Variants in NOL4 observed in about 807,000 individuals in gnomAD.
NOL4 encodes cancer/testis antigen 125.
In NOL4, 17 loss-of-function variants were observed where a neutral mutation model predicts 75.9. The ratio of observed to expected loss-of-function variants is 0.22; its 90% confidence interval spans 0.15 to 0.34. NOL4 has a LOEUF of 0.34. Ranked by LOEUF, NOL4 falls within the 10% of genes least tolerant of loss-of-function variation. The pLI is 1.00. For missense variants in NOL4, 614 were observed against 793.5 expected (o/e 0.77, Z 2.72); for synonymous variants, 292 against 289.9 (o/e 1.01, Z -0.07).
intron 1 of NOL4, among the ~76,000 whole-genome samples, chr18:34,203,717 TCACACACACACACACA>T (rs60755450): frequency 1.4e-5 from 1 of 72,264 alleles, no homozygotes; most frequent in Non-Finnish European, 2.7e-5. Flanking sequence ...TCTCTCTCTC[TCACACACACACACACA>T]CACACACACA....
At chr18:33,949,005 G>C (rs1383623585) in intron 8 of NOL4, among the ~76,000 whole-genome samples, 1 of 152,030 alleles carries the variant, frequency 6.6e-6, no homozygotes, top group Non-Finnish European at 1.5e-5. Flanking sequence ...GAAAAAAACT[G>C]ATAAATGAAT....
At chr18:34,151,567 A>G (rs1042542180) in intron 1 of NOL4, among the ~76,000 whole-genome samples, 1 of 151,840 alleles carries the variant, frequency 6.6e-6, no homozygotes, top group Non-Finnish European at 1.5e-5. Context: ...GGGGATTAAT[A>G]GACAAAGCAC....
chr18:34,202,449 A>T (rs942165567), intron 1 of NOL4, among the ~76,000 whole-genome samples: 4 of 151,954 alleles, frequency 2.6e-5, no homozygotes, highest in Non-Finnish European at 5.9e-5. Context: ...TAATATTGAA[A>T]ATATTCATTT....
intron 1 of NOL4, among the ~76,000 whole-genome samples, chr18:34,141,130 A>T (rs543142983): frequency 4.6e-4 from 70 of 151,714 alleles, no homozygotes; most frequent in African/African-American, 1.5e-3. Context: ...TTACAAGGGA[A>T]GTGAAGGACC....
chr18:34,013,275 T>C (rs1456037994), intron 6 of NOL4, among the ~76,000 whole-genome samples: 1 of 151,912 alleles, frequency 6.6e-6, no homozygotes, highest in Non-Finnish European at 1.5e-5. Context: ...TAATTTTCTA[T>C]ATATTTCTTA....
rs570962537 is a variant in NOL4 at position 33,857,607 on chromosome 18, T to G, written c.1724-4572A>C. On this transcript the variant is annotated intron_variant, in intron 10 of 10. Transcript: ENST00000261592. The stretch of plus-strand genomic sequence containing the variant: ...CCCTGATCTGGAAAAAAAATTGTAA[T>G]AAAACTTTACCAGGAAGCCATCCAA... Among the ~76,000 whole-genome samples the G allele has an allele frequency of 5.3e-5, 8 of 152,074 alleles. No homozygotes were observed. The South Asian group carries it at 1.7e-3, about 32-fold the overall frequency.
intron 5 of NOL4, among the ~76,000 whole-genome samples, chr18:34,089,276 A>C (rs938720271): frequency 2.6e-5 from 4 of 152,144 alleles, no homozygotes; most frequent in Non-Finnish European, 5.9e-5. Flanking sequence ...TGTTAAAAAA[A>C]AATTTTAATT....
intron 6 of NOL4, among the ~76,000 whole-genome samples, chr18:34,012,828 T>C (rs769190611): frequency 1.3e-5 from 2 of 151,984 alleles, no homozygotes; most frequent in Non-Finnish European, 2.9e-5. Flanking sequence ...CAAGAAGCTA[T>C]CCACTGATTG....
chr18:33,928,815 A>G (rs1471542957), intron 9 of NOL4, among the ~76,000 whole-genome samples: 2 of 151,980 alleles, frequency 1.3e-5, no homozygotes, highest in Non-Finnish European at 2.9e-5. Context: ...AGCTAAAATT[A>G]TAGTTCGTTA....
At chr18:33,995,088 A>G (rs1207048742) in intron 6 of NOL4, among the ~76,000 whole-genome samples, 1 of 151,686 alleles carries the variant, frequency 6.6e-6, no homozygotes, top group African/African-American at 2.4e-5. Flanking sequence ...CAATCATGGT[A>G]GACATATAAG....
intron 4 of NOL4, among the ~76,000 whole-genome samples, chr18:34,097,566 T>C (rs2078846098): frequency 6.6e-6 from 1 of 152,236 alleles, no homozygotes; most frequent in Non-Finnish European, 1.5e-5. Flanking sequence ...AGGTAAATAC[T>C]AGTCGTATGT....
intron 8 of NOL4, among the ~76,000 whole-genome samples, chr18:33,955,080 G>A (rs1301215127): frequency 5.9e-5 from 9 of 152,070 alleles, no homozygotes; most frequent in Admixed American, 5.2e-4. Context: ...CATCAATTAA[G>A]TTAATTGGTG....
At chr18:34,061,274 A>G (rs1381844580) in intron 5 of NOL4, among the ~76,000 whole-genome samples, 3 of 152,180 alleles carry the variant, frequency 2.0e-5, no homozygotes, top group African/African-American at 7.2e-5. Context: ...TGTTGAAGGA[A>G]TACATTATTC....
intron 9 of NOL4, among the ~76,000 whole-genome samples, chr18:33,906,311 C>A (rs1228557633): frequency 2.0e-5 from 3 of 152,144 alleles, no homozygotes; most frequent in South Asian, 4.1e-4. Flanking sequence ...TGGACTCCAA[C>A]CCTTTCTTTT....
chr18:34,011,569 A>C (rs1461710066), intron 6 of NOL4, among the ~76,000 whole-genome samples: 1 of 151,772 alleles, frequency 6.6e-6, no homozygotes, highest in African/African-American at 2.4e-5. Flanking sequence ...GATATTTTTA[A>C]GCATTTGACC....
At chr18:34,145,576 C>A (rs900810997) in intron 1 of NOL4, among the ~76,000 whole-genome samples, 3 of 151,710 alleles carry the variant, frequency 2.0e-5, no homozygotes, top group Non-Finnish European at 4.4e-5. Flanking sequence ...ATGTTTATAA[C>A]TCTAAGAATT....
chr18:34,178,686 G>C (rs561550309), intron 1 of NOL4, among the ~76,000 whole-genome samples: 73 of 151,628 alleles, frequency 4.8e-4, no homozygotes, highest in Non-Finnish European at 7.5e-4. Context: ...CTTAACAACA[G>C]AGCCACAAGA....
At chr18:34,101,805 G>A (rs928246369) in intron 4 of NOL4, among the ~76,000 whole-genome samples, 21 of 151,836 alleles carry the variant, frequency 1.4e-4, no homozygotes, top group Non-Finnish European at 1.3e-4. Flanking sequence ...CCATCATTAT[G>A]TTAAAATATA....
At chr18:34,187,517 C>T (rs966104699) in intron 1 of NOL4, among the ~76,000 whole-genome samples, 13 of 151,970 alleles carry the variant, frequency 8.6e-5, no homozygotes, top group Non-Finnish European at 1.6e-4. Context: ...GCTGGGACTA[C>T]AGGCGCCTAG....
Sources: allele counts gnomAD v4.1 joint callset (sites outside exome capture counted in the v4.1 genomes callset), GRCh38; gene constraint gnomAD v4.1.1; transcripts MANE v1.5; gene names NCBI Gene and HGNC (gene_info 2026-07-23, HGNC 2026-07-21).